The following MBP variants were observed in gnomAD, a reference collection of about 807,000 sequenced individuals.
MBP encodes the protein Golli-MBP.
Under a neutral mutation model 35.8 loss-of-function variants are expected in MBP, and 16 were observed. The observed-to-expected ratio is 0.45, with a 90% CI of 0.30 to 0.68. MBP has a LOEUF of 0.68. MBP is among the 30% of genes least tolerant of loss of function. The pLI, the probability that MBP is intolerant of heterozygous loss-of-function variation, is 0.08. For synonymous variants in MBP, 143 were observed against 159.6 expected (o/e 0.90, Z 0.78); for missense variants, 380 against 404.7 (o/e 0.94, Z 0.52).
chr18:77,062,439 C>T (rs1041985759), intron 3 of MBP, among the ~76,000 whole-genome samples: 8 of 151,688 alleles, frequency 5.3e-5, no homozygotes, highest in Non-Finnish European at 7.4e-5. Flanking sequence ...TCTAGGTTGT[C>T]GTGCCTTAGA....
intron 3 of MBP, among the ~76,000 whole-genome samples, chr18:77,028,771 G>C (rs1433652342): frequency 1.0e-5 from 1 of 97,466 alleles, no homozygotes; most frequent in African/African-American, 2.9e-5. Context: ...CCTCCCTCCC[G>C]GACGGGGTGG....
intron 3 of MBP, among the ~76,000 whole-genome samples, chr18:77,033,243 C>T (rs943248480): frequency 1.3e-5 from 2 of 152,076 alleles, no homozygotes; most frequent in Non-Finnish European, 2.9e-5. Context: ...GCTGGAGTTA[C>T]AGGTATGAGC....
chr18:76,988,654 C>T lies in MBP; in HGVS notation c.718-127G>A, dbSNP rs993657764. 7 of 1,495,266 alleles carry T rather than the reference C, an allele frequency of 4.7e-6. No individual in the cohort carries two copies. Among genetic ancestry groups the T allele is most frequent in the South Asian group, 2.7e-5 (2 of 74,964 alleles). The allele number at this position is 1,495,266 out of a possible 1,614,324, so 92.6% of individuals were successfully genotyped here. A position where few individuals can be genotyped will look rare whatever the true frequency, so the allele number is the denominator to read the frequency against. ...TAAAAACAGGTTCCACCCGGAGCTC[C>T]GAGGGGGGCCGCAGGCTCAGGGCCA... On this transcript the variant is annotated intron_variant, in intron 6 of 8. Coordinates refer to ENST00000355994, the MANE Select transcript of MBP (RefSeq NM_001025101.2). This position sits in a 1 kb window ranked among gnomAD's most constrained non-coding sequence, Gnocchi z 5.2.
At chr18:77,005,553 G>A (rs1278041423) in intron 4 of MBP, 1 of 152,286 alleles carries the variant, frequency 6.6e-6, no homozygotes, top group Non-Finnish European at 1.5e-5. Context: ...GATGGCCAGA[G>A]AGTGAAGTTC....
chr18:77,083,087 C>A (rs935619560), intron 2 of MBP, among the ~76,000 whole-genome samples: 12 of 152,070 alleles, frequency 7.9e-5, no homozygotes, highest in Admixed American at 7.9e-4. Flanking sequence ...GATTCTCATG[C>A]CTCAGCCCCC....
intron 3 of MBP, among the ~76,000 whole-genome samples, chr18:77,054,160 G>C (rs1179468918): frequency 6.6e-6 from 1 of 152,240 alleles, no homozygotes; most frequent in Non-Finnish European, 1.5e-5. Context: ...GACTCTCCCA[G>C]GCACACTGGA....
chr18:77,058,501 G>A (rs989974239), intron 3 of MBP, among the ~76,000 whole-genome samples: 3 of 152,226 alleles, frequency 2.0e-5, no homozygotes, highest in Admixed American at 6.5e-5. Context: ...CACGACCCCA[G>A]CCCCCACCGG....
chr18:77,040,221 G>A (rs1418425974), intron 3 of MBP, among the ~76,000 whole-genome samples: 1 of 152,076 alleles, frequency 6.6e-6, no homozygotes, highest in Non-Finnish European at 1.5e-5. Flanking sequence ...AGTTTGTTTA[G>A]AAAGAATGGT....
intron 7 of MBP, chr18:76,986,421 C>A: frequency 1.0e-6 from 1 of 985,542 alleles, no homozygotes; most frequent in Non-Finnish European, 1.2e-6. Flanking sequence ...CTCAAGGCTT[C>A]CAGAGCACCT....
chr18:77,041,894 G>GT (rs1214544267), intron 3 of MBP, among the ~76,000 whole-genome samples: 1 of 151,076 alleles, frequency 6.6e-6, no homozygotes, highest in Admixed American at 6.6e-5. Context: ...AAACCTGCAC[G>GT]TTGTGCACAT....
intron 4 of MBP, 158 bp downstream of exon 4, chr18:77,016,674 C>G (rs1262954838): frequency 6.7e-5 from 96 of 1,435,712 alleles, no homozygotes; most frequent in Non-Finnish European, 8.5e-5. Flanking sequence ...CCACTCAGGC[C>G]CACACTCTTG....
chr18:77,105,636 G>C (rs968398198), intron 1 of MBP, among the ~76,000 whole-genome samples: 4 of 152,150 alleles, frequency 2.6e-5, no homozygotes, highest in South Asian at 2.1e-4. Flanking sequence ...TACACACACA[G>C]AGAATTATAT....
At chr18:77,042,766 C>G (rs907939557) in intron 3 of MBP, among the ~76,000 whole-genome samples, 3 of 152,224 alleles carry the variant, frequency 2.0e-5, no homozygotes, top group African/African-American at 7.2e-5. Flanking sequence ...CATCCAACAC[C>G]CAGCAAGCGC....
intron 1 of MBP, among the ~76,000 whole-genome samples, chr18:77,122,464 C>T (rs4890898): frequency 0.05 from 7,606 of 152,200 alleles, 365 homozygotes; most frequent in African/African-American, 0.11. Context: ...AGGCAGCTCC[C>T]GGGACAGTGG....
At chr18:77,125,101 G>A (rs1040378377) in intron 1 of MBP, among the ~76,000 whole-genome samples, 4 of 152,014 alleles carry the variant, frequency 2.6e-5, no homozygotes, top group African/African-American at 7.2e-5. Context: ...AAATGACAAC[G>A]AAGAGGAGGG....
chr18:77,057,731 G>A (rs1973779220), intron 3 of MBP, among the ~76,000 whole-genome samples: 1 of 151,912 alleles, frequency 6.6e-6, no homozygotes, highest in Non-Finnish European at 1.5e-5. Flanking sequence ...TCTCATAGCC[G>A]TTTCTTGGAA....
chr18:77,070,590 C>T (rs1258154265), intron 2 of MBP, among the ~76,000 whole-genome samples: 1 of 152,162 alleles, frequency 6.6e-6, no homozygotes, highest in South Asian at 2.1e-4. Flanking sequence ...AGTGATTAGT[C>T]TCATTTTCTC....
intron 1 of MBP, among the ~76,000 whole-genome samples, chr18:77,122,562 A>T (rs747419503): frequency 2.0e-5 from 3 of 152,216 alleles, no homozygotes; most frequent in Non-Finnish European, 4.4e-5. Flanking sequence ...ATTTTTTATG[A>T]GACAGAATCT....
At chr18:77,105,311 G>A (rs1158203773) in intron 1 of MBP, 25 bp from the exon 2 acceptor site, 12 of 1,467,492 alleles carry the variant, frequency 8.2e-6, no homozygotes, top group Non-Finnish European at 1.1e-5. Context: ...GAAAGTGTCA[G>A]CCCTAAGTCT....
Sources: gnomAD v4.1 joint callset for allele counts (sites outside exome capture counted in the v4.1 genomes callset) on GRCh38, gnomAD v4.1.1 for gene constraint, Gnocchi (gnomAD v3.1) non-coding constraint, MANE v1.5 for transcripts, NCBI Gene and HGNC (gene_info 2026-07-23, HGNC 2026-07-21) for gene names.